KCNIP4: variants seen among roughly 807,000 people sequenced by gnomAD.
KCNIP4 encodes Kv channel-interacting protein 4.
A neutral mutation model predicts 34.0 loss-of-function variants in KCNIP4; 12 were observed. The ratio of observed to expected loss-of-function variants is 0.35; its 90% CI spans 0.23 to 0.57. The LOEUF is 0.57. KCNIP4 is among the 20% of genes least tolerant of loss of function. The pLI is 0.83. For missense variants in KCNIP4, 238 were observed against 311.7 expected (o/e 0.76, Z 1.78); for synonymous variants, 124 against 102.2 (o/e 1.21, Z -1.29).
chr4:21,302,363 T>C (rs1711833107), intron 1 of KCNIP4, among the ~76,000 whole-genome samples: 1 of 152,154 alleles, frequency 6.6e-6, no homozygotes, highest in Admixed American at 6.5e-5. Context: ...TGAAATGAGA[T>C]GAAACAAGTC....
intron 1 of KCNIP4, among the ~76,000 whole-genome samples, chr4:21,505,720 T>C (rs1196025759): frequency 1.3e-5 from 2 of 152,182 alleles, no homozygotes; most frequent in Non-Finnish European, 2.9e-5. Flanking sequence ...TGGTGTCTCC[T>C]AAGGCTAAAA....
intron 1 of KCNIP4, among the ~76,000 whole-genome samples, chr4:21,912,827 C>A (rs932813301): frequency 6.7e-6 from 1 of 149,396 alleles, no homozygotes; most frequent in East Asian, 1.9e-4. Flanking sequence ...ATATATATAA[C>A]ATAATATAAT....
chr4:21,047,317 T>C (rs989021635), intron 1 of KCNIP4, among the ~76,000 whole-genome samples: 3 of 152,178 alleles, frequency 2.0e-5, no homozygotes, highest in African/African-American at 7.2e-5. Flanking sequence ...TCCACAGTGC[T>C]TACCATATAA....
intron 1 of KCNIP4, among the ~76,000 whole-genome samples, chr4:21,495,033 T>G (rs1732741364): frequency 6.6e-6 from 1 of 151,960 alleles, no homozygotes; most frequent in Non-Finnish European, 1.5e-5. Flanking sequence ...GTACAGCAAG[T>G]TGTAAATATT....
chr4:21,734,002 G>A (rs1715803304), intron 1 of KCNIP4, among the ~76,000 whole-genome samples: 1 of 152,180 alleles, frequency 6.6e-6, no homozygotes, highest in African/African-American at 2.4e-5. Context: ...TAAGTAATAA[G>A]TGTCAGACAC....
chr4:21,519,635 CAA>C (rs372512480), intron 1 of KCNIP4, among the ~76,000 whole-genome samples: 10 of 111,462 alleles, frequency 9.0e-5, no homozygotes, highest in South Asian at 3.5e-4. Context: ...TGTATATACA[CAA>C]ATGTGTGTGT....
intron 1 of KCNIP4, among the ~76,000 whole-genome samples, chr4:21,587,399 T>C (rs1447856995): frequency 1.3e-5 from 2 of 151,962 alleles, no homozygotes; most frequent in African/African-American, 2.4e-5. Flanking sequence ...ACATAACCCA[T>C]CACTCTTTCT....
At chr4:21,025,856 G>T (rs1359369913) in intron 1 of KCNIP4, among the ~76,000 whole-genome samples, 1 of 152,004 alleles carries the variant, frequency 6.6e-6, no homozygotes, top group African/African-American at 2.4e-5. Context: ...CACCCGGCCT[G>T]ATACTGGTTT....
At chr4:20,797,244 T>C (rs568588342) in intron 3 of KCNIP4, among the ~76,000 whole-genome samples, 2 of 152,318 alleles carry the variant, frequency 1.3e-5, no homozygotes, top group Admixed American at 6.5e-5. Context: ...GGTCAGAAAA[T>C]ATATTTTAAA....
intron 1 of KCNIP4, among the ~76,000 whole-genome samples, chr4:21,040,746 T>C (rs1577581744): frequency 6.6e-6 from 1 of 152,178 alleles, no homozygotes; most frequent in African/African-American, 2.4e-5. Context: ...TAAGGACTCA[T>C]GAATGGGATC....
At chr4:21,071,292 G>T (rs1744892531) in intron 1 of KCNIP4, among the ~76,000 whole-genome samples, 1 of 152,058 alleles carries the variant, frequency 6.6e-6, no homozygotes, top group African/African-American at 2.4e-5. Flanking sequence ...TTAAGATTGA[G>T]GTTCATTCTG....
chr4:21,180,194 A>C (rs970272098), intron 1 of KCNIP4, among the ~76,000 whole-genome samples: 1 of 152,176 alleles, frequency 6.6e-6, no homozygotes, highest in Non-Finnish European at 1.5e-5. Flanking sequence ...ACTCTCATAA[A>C]TCTCACTTCT....
chr4:21,041,230 TCA>T (rs57664737), intron 1 of KCNIP4, among the ~76,000 whole-genome samples: 23,587 of 144,330 alleles, frequency 0.16, 2,110 homozygotes, highest in African/African-American at 0.26. Flanking sequence ...GATATATATT[TCA>T]CACACACACA....
At chr4:21,739,663 T>C (rs1276998010) in intron 1 of KCNIP4, among the ~76,000 whole-genome samples, 1 of 152,072 alleles carries the variant, frequency 6.6e-6, no homozygotes, top group Non-Finnish European at 1.5e-5. Context: ...CTCAGAAAAC[T>C]CCCAATGCTA....
intron 1 of KCNIP4, among the ~76,000 whole-genome samples, chr4:21,211,395 C>T (rs1258825555): frequency 6.6e-6 from 1 of 152,166 alleles, no homozygotes; most frequent in Non-Finnish European, 1.5e-5. Context: ...ACTGCCTGAG[C>T]TCTACCTTCT....
At chr4:21,025,100 A>G (rs1441962837) in intron 1 of KCNIP4, among the ~76,000 whole-genome samples, 1 of 152,198 alleles carries the variant, frequency 6.6e-6, no homozygotes, top group Non-Finnish European at 1.5e-5. Context: ...GAATATCAAT[A>G]ATTTCCCAAG....
At chr4:21,248,950 C>T (rs1760487100) in intron 1 of KCNIP4, among the ~76,000 whole-genome samples, 1 of 152,106 alleles carries the variant, frequency 6.6e-6, no homozygotes, top group Admixed American at 6.5e-5. Flanking sequence ...CCCCATGAGG[C>T]CAACCCAAGT....
Position 21,139,591 on chromosome 4 carries a change from C to T in KCNIP4, c.62-256882G>A, listed in dbSNP as rs75342685. ...TGATCACACCCTTCCCAGCCCACAT[C>T]CAAAGAGACATGACTTTCCATCTCG... On this transcript the variant is annotated intron_variant, in intron 1 of 8. Transcript: ENST00000382152. 1.8e-3 allele frequency among the ~76,000 whole-genome samples: 272 copies of T among 152,234 alleles called. 2 individuals carry two copies. The highest frequency in any genetic ancestry group is 6.1e-3 in the African/African-American group (253 of 41,542).
chr4:21,946,451 A>C (rs569916896), intron 1 of KCNIP4, among the ~76,000 whole-genome samples: 1 of 152,300 alleles, frequency 6.6e-6, no homozygotes, highest in African/African-American at 2.4e-5. Flanking sequence ...CGGGACTATT[A>C]TTTTAAAACA....
Sources: allele counts gnomAD v4.1 joint callset (sites outside exome capture counted in the v4.1 genomes callset), GRCh38; gene constraint gnomAD v4.1.1; transcripts MANE v1.5; gene names NCBI Gene and HGNC (gene_info 2026-07-23, HGNC 2026-07-21).